The following NRG3 variants were observed in gnomAD, a reference collection of about 807,000 sequenced individuals.
NRG3 encodes neuregulin 3.
Under a neutral mutation model 66.9 loss-of-function variants are expected in NRG3, and 31 were observed. That is an observed-to-expected ratio of 0.46 (90% CI 0.35 to 0.63). The LOEUF (loss-of-function observed/expected upper bound fraction) is 0.63. NRG3 is among the 20% of genes least tolerant of loss of function. The pLI is 0.00. For synonymous variants in NRG3, 393 were observed against 359.4 expected (o/e 1.09, Z -1.06); for missense variants, 910 against 878.9 (o/e 1.04, Z -0.45).
chr10:82,257,783 A>G (rs1032420056), intron 1 of NRG3, among the ~76,000 whole-genome samples: 3 of 152,238 alleles, frequency 2.0e-5, no homozygotes, highest in Non-Finnish European at 1.5e-5. Context: ...AGAAAAAAAA[A>G]TTCTGATTTT....
chr10:82,385,149 A>G (rs1051510736), intron 2 of NRG3, among the ~76,000 whole-genome samples: 10 of 152,026 alleles, frequency 6.6e-5, no homozygotes, highest in African/African-American at 2.4e-4. Context: ...CTTTGCCCAC[A>G]TTTTAAAGGG....
intron 3 of NRG3, among the ~76,000 whole-genome samples, chr10:82,843,550 A>G (rs2063163917): frequency 6.6e-6 from 1 of 152,212 alleles, no homozygotes; most frequent in Non-Finnish European, 1.5e-5. Context: ...AAAATCAATA[A>G]TAAATACAAG....
chr10:82,804,717 G>A (rs948323079), intron 3 of NRG3, among the ~76,000 whole-genome samples: 7 of 152,096 alleles, frequency 4.6e-5, no homozygotes, highest in South Asian at 2.1e-4. Flanking sequence ...TTCTCCATCC[G>A]TTTTCATCCA....
chr10:81,876,459 C>G (rs745865515), intron 1 of NRG3, among the ~76,000 whole-genome samples: 11 of 152,148 alleles, frequency 7.2e-5, no homozygotes, highest in Non-Finnish European at 1.5e-4. Context: ...AGGGTTAACG[C>G]GAGTGCGATC....
intron 1 of NRG3, among the ~76,000 whole-genome samples, chr10:82,265,078 TGTG>T (rs2078227228): frequency 6.6e-6 from 1 of 152,052 alleles, no homozygotes; most frequent in Non-Finnish European, 1.5e-5. Flanking sequence ...GTGCCAGAGA[TGTG>T]GGGAGAGAAT....
At chr10:82,190,298 A>G (rs1283438205) in intron 1 of NRG3, among the ~76,000 whole-genome samples, 1 of 149,184 alleles carries the variant, frequency 6.7e-6, no homozygotes, top group Non-Finnish European at 1.5e-5. Context: ...CTAAGCAGGA[A>G]AAAAAAAATT....
chr10:81,952,510 C>T lies in NRG3; in HGVS notation c.823+76347C>T, dbSNP rs143912668. Among the ~76,000 whole-genome samples the T allele has an allele frequency of 2.6e-4, 39 of 152,124 alleles. 2 individuals carry two copies. Among genetic ancestry groups the T allele is most frequent in the African/African-American group, 8.4e-4 (35 of 41,504 alleles). ...TAAGGAGAAAGTAGAAGAAAACAGG[C>T]ATCTCCCTGCTTATGCAAGACTTGT... On this transcript the variant is annotated intron_variant, in intron 1 of 8. Coordinates refer to ENST00000372141, the MANE Select transcript of NRG3 (RefSeq NM_001010848.4).
intron 3 of NRG3, among the ~76,000 whole-genome samples, chr10:82,790,098 A>G (rs1343392636): frequency 6.6e-6 from 1 of 152,068 alleles, no homozygotes; most frequent in East Asian, 1.9e-4. Flanking sequence ...TGCTTAATGT[A>G]GCTGCCCTTT....
intron 2 of NRG3, among the ~76,000 whole-genome samples, chr10:82,627,918 AATCTCAGTG>A (rs2049537982): frequency 6.6e-6 from 1 of 152,188 alleles, no homozygotes; most frequent in Non-Finnish European, 1.5e-5. Flanking sequence ...TAGGCAGTAC[AATCTCAGTG>A]CTTTTCCGGA....
intron 1 of NRG3, among the ~76,000 whole-genome samples, chr10:82,103,076 T>G (rs967149890): frequency 2.0e-5 from 3 of 152,160 alleles, no homozygotes; most frequent in Non-Finnish European, 4.4e-5. Flanking sequence ...ATATCTTTAT[T>G]TTATCTTCCT....
At chr10:82,587,926 T>A (rs897299297) in intron 2 of NRG3, among the ~76,000 whole-genome samples, 1 of 152,216 alleles carries the variant, frequency 6.6e-6, no homozygotes, top group Non-Finnish European at 1.5e-5. Flanking sequence ...AAGTAGTTTT[T>A]TTGTGTTGTT....
intron 1 of NRG3, among the ~76,000 whole-genome samples, chr10:82,083,968 C>T (rs2133439044): frequency 6.6e-6 from 1 of 151,886 alleles, no homozygotes; most frequent in African/African-American, 2.4e-5. Context: ...TGGCTCACTC[C>T]TGTAATCACA....
intron 1 of NRG3, chr10:82,232,833 C>CA (rs1439796319): frequency 1.4e-6 from 1 of 717,174 alleles, no homozygotes; most frequent in African/African-American, 1.7e-5. Context: ...AGTTGTAAGG[C>CA]ATGGCCTTTG....
At chr10:82,012,312 G>T (rs2061611622) in intron 1 of NRG3, among the ~76,000 whole-genome samples, 1 of 152,076 alleles carries the variant, frequency 6.6e-6, no homozygotes, top group Non-Finnish European at 1.5e-5. Context: ...AAGTCCCTAG[G>T]CTACAAAGAG....
intron 4 of NRG3, among the ~76,000 whole-genome samples, chr10:82,943,366 G>T (rs1288109969): frequency 6.6e-6 from 1 of 152,144 alleles, no homozygotes; most frequent in African/African-American, 2.4e-5. Context: ...GTTGGCTCAG[G>T]GTAAGGGGTG....
At chr10:82,010,192 C>A (rs1431529915) in intron 1 of NRG3, among the ~76,000 whole-genome samples, 1 of 152,168 alleles carries the variant, frequency 6.6e-6, no homozygotes, top group Non-Finnish European at 1.5e-5. Context: ...AGAATTTCAT[C>A]TTTATTTTAT....
chr10:82,202,037 C>T (rs112444853), intron 1 of NRG3, among the ~76,000 whole-genome samples: 147 of 152,072 alleles, frequency 9.7e-4, no homozygotes, highest in Admixed American at 1.5e-3. Context: ...TTCTTGAAGA[C>T]CTACTGAGTA....
chr10:82,286,202 A>G (rs141056730), intron 1 of NRG3, among the ~76,000 whole-genome samples: 1 of 152,344 alleles, frequency 6.6e-6, no homozygotes, highest in Admixed American at 6.5e-5. Flanking sequence ...TGGTTTCAAA[A>G]TGATTTGGCA....
At chr10:82,962,732 G>C (rs994964615) in intron 6 of NRG3, among the ~76,000 whole-genome samples, 3 of 152,012 alleles carry the variant, frequency 2.0e-5, no homozygotes, top group Admixed American at 6.6e-5. Flanking sequence ...CCAGCTACTC[G>C]GGAGGTTGAG....
Sources: gnomAD v4.1 joint callset for allele counts (sites outside exome capture counted in the v4.1 genomes callset) on GRCh38, gnomAD v4.1.1 for gene constraint, MANE v1.5 for transcripts, NCBI Gene and HGNC (gene_info 2026-07-23, HGNC 2026-07-21) for gene names.